Variants in TENM3 observed in about 807,000 individuals in gnomAD.
TENM3 encodes the protein teneurin-3.
A neutral mutation model predicts 255.1 loss-of-function variants in TENM3; 63 were observed. That is an observed-to-expected ratio of 0.25 (90% confidence interval 0.20 to 0.30). TENM3 has a LOEUF of 0.30. Among genes scored for constraint, TENM3 ranks in the 10% least tolerant of loss-of-function variants. TENM3 has a pLI of 1.00. For missense variants in TENM3, 2,929 were observed against 3,461.1 expected (o/e 0.85, Z 3.86); for synonymous variants, 1,306 against 1,322.3 (o/e 0.99, Z 0.27).
At chr4:182,201,356 T>A (rs918456076) in intron 1 of TENM3, among the ~76,000 whole-genome samples, 14 of 152,196 alleles carry the variant, frequency 9.2e-5, no homozygotes, top group African/African-American at 3.4e-4. Flanking sequence ...ACAGTGGAGC[T>A]GAATTAAGCA....
In TENM3 at chr4:182,293,875, A is replaced by C. The variant is rs574667371; in HGVS notation, c.-75-30071A>C. Among the ~76,000 whole-genome samples, 7 of 152,284 alleles carry C rather than the reference A, an allele frequency of 4.6e-5. No individual in the cohort carries two copies. In the East Asian group the frequency reaches 1.4e-3, roughly 29 times the overall value. The stretch of plus-strand genomic sequence containing the variant: ...TTAAACTAATTCGCACTGAGGTATG[A>C]ATGAGGCTTAACCCTCCCAGGGGAC... On this transcript the variant is annotated intron_variant, in intron 1 of 27. Transcript: ENST00000511685.
At chr4:181,583,775 C>T in the TENM3 span, among the ~76,000 whole-genome samples, 1 of 152,214 alleles carries the variant, frequency 6.6e-6, no homozygotes, top group Non-Finnish European at 1.5e-5. Flanking sequence ...AACGTTCAGA[C>T]ACACACAAAC....
the TENM3 span, among the ~76,000 whole-genome samples, chr4:181,989,248 A>G: frequency 6.6e-6 from 1 of 152,090 alleles, no homozygotes; most frequent in South Asian, 2.1e-4. Flanking sequence ...ACAAGGACAG[A>G]CACTAGAAAA....
At chr4:182,495,436 A>T (rs1735682526) in intron 3 of TENM3, among the ~76,000 whole-genome samples, 1 of 152,234 alleles carries the variant, frequency 6.6e-6, no homozygotes, top group Admixed American at 6.5e-5. Context: ...AATAAACACA[A>T]AACTGAAGCT....
intron 1 of TENM3, among the ~76,000 whole-genome samples, chr4:182,318,067 A>G (rs1454151755): frequency 2.6e-5 from 4 of 152,202 alleles, no homozygotes; most frequent in Non-Finnish European, 5.9e-5. Context: ...AAGTCTGGTT[A>G]TTGTGGGGGT....
Position 182,679,677 on chromosome 4 carries a change from G to T in TENM3, c.1338G>T (p.Val446=), listed in dbSNP as rs1225041425. The change falls in exon 8 of 28, where the codon GTG becomes GTT. Residue 446 remains valine (V), a synonymous_variant. Coordinates refer to ENST00000511685, the MANE Select transcript of TENM3 (RefSeq NM_001080477.4). ...CGTCCTCCCCCCAGTATGACTTCGT[G>T]GAGCTCCTGGATGGCAGCAGGCTGA... ...LPPSHTQYDF[V]ELLDGSRLIA... is the part of the protein sequence containing the mutation. 15 of 1,612,242 alleles carry T rather than the reference G, an allele frequency of 9.3e-6. No homozygotes were observed. The South Asian group carries it at 1.5e-4, about 17-fold the overall frequency.
chr4:181,603,175 T>C, the TENM3 span, among the ~76,000 whole-genome samples: 1 of 152,200 alleles, frequency 6.6e-6, no homozygotes, highest in Non-Finnish European at 1.5e-5. Context: ...TATAGCAATA[T>C]TCATTTACTG....
At chr4:181,833,454 G>A in the TENM3 span, among the ~76,000 whole-genome samples, 1 of 152,132 alleles carries the variant, frequency 6.6e-6, no homozygotes. Flanking sequence ...AACTAAAACA[G>A]GGGGGCAGGG....
the TENM3 span, among the ~76,000 whole-genome samples, chr4:181,639,317 C>T: frequency 6.6e-6 from 1 of 152,178 alleles, no homozygotes; most frequent in African/African-American, 2.4e-5. Context: ...TGTATGAATG[C>T]ATCAAGCCCC....
At chr4:181,788,857 C>G in the TENM3 span, among the ~76,000 whole-genome samples, 1 of 152,306 alleles carries the variant, frequency 6.6e-6, no homozygotes, top group Admixed American at 6.5e-5. Context: ...CTCAGCTTTC[C>G]AAAGTGTTAA....
chr4:181,767,048 C>G, the TENM3 span, among the ~76,000 whole-genome samples: 42 of 142,376 alleles, frequency 2.9e-4, 2 homozygotes, highest in East Asian at 3.5e-3. Context: ...GTCAGGAGAT[C>G]AAGACCATTC....
chr4:182,125,298 G>T, the TENM3 span, among the ~76,000 whole-genome samples: 1 of 152,250 alleles, frequency 6.6e-6, no homozygotes, highest in Non-Finnish European at 1.5e-5. Context: ...CACAGTGCTG[G>T]TGTTCAAGTC....
At chr4:182,212,308 T>C (rs1755101325) in intron 1 of TENM3, among the ~76,000 whole-genome samples, 1 of 152,188 alleles carries the variant, frequency 6.6e-6, no homozygotes, top group African/African-American at 2.4e-5. Flanking sequence ...TTTCCAGAGA[T>C]AGAAATCAGA....
intron 3 of TENM3, among the ~76,000 whole-genome samples, chr4:182,589,405 C>T (rs571372853): frequency 7.8e-4 from 117 of 150,842 alleles, no homozygotes; most frequent in Non-Finnish European, 1.4e-3. Flanking sequence ...TTGTCAAAAT[C>T]GCCTCTTATT....
At chr4:181,796,532 T>C in the TENM3 span, among the ~76,000 whole-genome samples, 1 of 152,046 alleles carries the variant, frequency 6.6e-6, no homozygotes, top group Non-Finnish European at 1.5e-5. Flanking sequence ...GCAGCACAGA[T>C]GGCCAGGGTT....
chr4:182,487,027 C>G (rs1580716806), intron 3 of TENM3, among the ~76,000 whole-genome samples: 1 of 152,158 alleles, frequency 6.6e-6, no homozygotes. Flanking sequence ...CCACATCTCA[C>G]TCGGTATCAT....
the TENM3 span, among the ~76,000 whole-genome samples, chr4:182,036,990 T>G: frequency 2.0e-5 from 3 of 152,282 alleles, no homozygotes; most frequent in South Asian, 6.2e-4. Flanking sequence ...CTTCCTCTTG[T>G]GTGTTATATA....
At position 182,611,238 on chromosome 4, in the gene TENM3, T is replaced by C. The variant is rs1231483791; in HGVS notation, c.749+10077T>C. On this transcript the variant is annotated intron_variant, in intron 4 of 27. Transcript: ENST00000511685. The stretch of plus-strand genomic sequence containing the variant: ...CAAAACCTCAACCCCCAAATATGTG[T>C]ATTTATTAAATTTTAAATTAGGCAC... 1.3e-5 allele frequency among the ~76,000 whole-genome samples: 2 copies of C among 152,150 alleles called. 1 individual carries two copies. The highest frequency in any genetic ancestry group is 2.9e-5 in the Non-Finnish European group (2 of 68,024).
intron 4 of TENM3, among the ~76,000 whole-genome samples, chr4:182,617,585 A>C (rs975560796): frequency 1.3e-5 from 2 of 152,190 alleles, no homozygotes; most frequent in African/African-American, 4.8e-5. Flanking sequence ...CCTATACCTT[A>C]AAATTTCCTC....
Sources: gnomAD v4.1 joint callset for allele counts (sites outside exome capture counted in the v4.1 genomes callset) on GRCh38, gnomAD v4.1.1 for gene constraint, MANE v1.5 for transcripts, NCBI Gene and HGNC (gene_info 2026-07-23, HGNC 2026-07-21) for gene names.